Variants in DACH1 observed in about 807,000 individuals in gnomAD.
The protein encoded by DACH1 is dachshund family transcription factor 1.
DACH1 carries 12 observed loss-of-function variants against 54.2 expected under a neutral mutation model. That is an observed-to-expected ratio of 0.22 (90% CI 0.14 to 0.36). The LOEUF (loss-of-function observed/expected upper bound fraction) is 0.36. Among genes scored for constraint, DACH1 ranks in the 10% least tolerant of loss-of-function variants. The probability of loss-of-function intolerance (pLI) is 1.00; values close to 1 mark genes in which losing one functional copy is unlikely to be tolerated. For missense variants in DACH1, 805 were observed against 929.8 expected (o/e 0.87, Z 1.75); for synonymous variants, 386 against 366.2 (o/e 1.05, Z -0.62).
chr13:71,791,324 T>C (rs1024081158), intron 1 of DACH1, among the ~76,000 whole-genome samples: 4 of 152,172 alleles, frequency 2.6e-5, no homozygotes, highest in Non-Finnish European at 5.9e-5. Context: ...ATTTTCTTGA[T>C]AATTTATTTT....
At chr13:71,535,303 G>T (rs1257360617) in intron 6 of DACH1, among the ~76,000 whole-genome samples, 1 of 151,808 alleles carries the variant, frequency 6.6e-6, no homozygotes, top group Non-Finnish European at 1.5e-5. Context: ...TGTATATCAT[G>T]TGAATTTTCT....
intron 6 of DACH1, among the ~76,000 whole-genome samples, chr13:71,514,610 A>G (rs1296560829): frequency 1.3e-5 from 2 of 151,828 alleles, no homozygotes; most frequent in Non-Finnish European, 2.9e-5. Context: ...TTTCATAATG[A>G]AATTACTATT....
At chr13:71,629,979 T>A (rs1013501812) in intron 3 of DACH1, among the ~76,000 whole-genome samples, 2 of 152,076 alleles carry the variant, frequency 1.3e-5, no homozygotes, top group Non-Finnish European at 1.5e-5. Flanking sequence ...CAGTGACAGT[T>A]AACTTTTCAT....
intron 3 of DACH1, among the ~76,000 whole-genome samples, chr13:71,612,296 T>C (rs1052452621): frequency 2.6e-5 from 4 of 152,066 alleles, no homozygotes; most frequent in Non-Finnish European, 4.4e-5. Flanking sequence ...TTATGTTATA[T>C]TATATTATAC....
intron 1 of DACH1, among the ~76,000 whole-genome samples, chr13:71,776,425 A>G (rs1886067783): frequency 6.6e-6 from 1 of 152,176 alleles, no homozygotes. Flanking sequence ...AAATACCTAA[A>G]GAAAAGTTAA....
At chr13:71,602,091 C>T (rs1566370938) in intron 3 of DACH1, among the ~76,000 whole-genome samples, 1 of 151,920 alleles carries the variant, frequency 6.6e-6, no homozygotes, top group Non-Finnish European at 1.5e-5. Context: ...GGATACCTGA[C>T]CAGCTGGCTA....
At chr13:71,840,791 T>C (rs539130179) in intron 1 of DACH1, among the ~76,000 whole-genome samples, 1 of 152,290 alleles carries the variant, frequency 6.6e-6, no homozygotes, top group African/African-American at 2.4e-5. Context: ...AGCAGATAAA[T>C]TTGATTTCAA....
At chr13:71,631,138 T>C (rs1244778611) in intron 2 of DACH1, among the ~76,000 whole-genome samples, 2 of 152,198 alleles carry the variant, frequency 1.3e-5, no homozygotes, top group African/African-American at 2.4e-5. Flanking sequence ...AGTTTCTTCA[T>C]TGTCATCCAC....
At chr13:71,554,631 T>C (rs1332102369) in intron 6 of DACH1, among the ~76,000 whole-genome samples, 2 of 152,162 alleles carry the variant, frequency 1.3e-5, no homozygotes, top group African/African-American at 4.8e-5. Flanking sequence ...TTAACTCTTG[T>C]CTATCTCTTA....
At chr13:71,668,182 T>C (rs1475963668) in intron 2 of DACH1, among the ~76,000 whole-genome samples, 1 of 151,972 alleles carries the variant, frequency 6.6e-6, no homozygotes, top group Non-Finnish European at 1.5e-5. Flanking sequence ...ATATTAAACA[T>C]TTTACATGTT....
At chr13:71,726,574 T>A (rs1327415570) in intron 1 of DACH1, among the ~76,000 whole-genome samples, 1 of 152,078 alleles carries the variant, frequency 6.6e-6, no homozygotes, top group East Asian at 1.9e-4. Flanking sequence ...AAATTCAAGG[T>A]ACTAAAGTGA....
At chr13:71,585,727 C>G (rs959952232) in intron 3 of DACH1, among the ~76,000 whole-genome samples, 2 of 152,006 alleles carry the variant, frequency 1.3e-5, no homozygotes, top group Admixed American at 6.6e-5. Context: ...GTTTGGTCAT[C>G]ATCTTAGGCA....
chr13:71,806,565 A>C (rs1362977768), intron 1 of DACH1, among the ~76,000 whole-genome samples: 5 of 152,222 alleles, frequency 3.3e-5, no homozygotes, highest in African/African-American at 1.2e-4. Flanking sequence ...AAGTACAAAA[A>C]TTCAGACATT....
chr13:71,735,051 T>C (rs1483186922), intron 1 of DACH1, among the ~76,000 whole-genome samples: 1 of 150,594 alleles, frequency 6.6e-6, no homozygotes, highest in African/African-American at 2.4e-5. Context: ...GATATACGTA[T>C]ATGGGTGATA....
intron 7 of DACH1, among the ~76,000 whole-genome samples, chr13:71,479,897 C>G (rs1485110332): frequency 6.6e-6 from 1 of 152,078 alleles, no homozygotes; most frequent in African/African-American, 2.4e-5. Context: ...TGGCTCACAC[C>G]CTCATTTCAT....
intron 1 of DACH1, among the ~76,000 whole-genome samples, chr13:71,771,957 A>T (rs1885874667): frequency 6.6e-6 from 1 of 151,496 alleles, no homozygotes; most frequent in Non-Finnish European, 1.5e-5. Context: ...AATTCACAAT[A>T]ACGTGTTATC....
At chr13:71,774,188 C>T (rs1053360894) in intron 1 of DACH1, among the ~76,000 whole-genome samples, 5 of 152,062 alleles carry the variant, frequency 3.3e-5, no homozygotes, top group African/African-American at 1.2e-4. Context: ...TTGGTATACA[C>T]AACTAGAATG....
rs551852379 is a variant in DACH1, at chr13:71,576,982, T to C, written c.1127-3970A>G. Among the ~76,000 whole-genome samples, 8 of 152,294 alleles carry C rather than the reference T, an allele frequency of 5.3e-5. No individual in the cohort carries two copies. The East Asian group carries it at 1.4e-3, about 26-fold the overall frequency. On this transcript the variant is annotated intron_variant, in intron 3 of 10. Transcript: ENST00000613252. ...CTTTAGGCCATTGACATCTTCCAAG[T>C]GGTAAAGGCCTAAATCTAAACATTT...
At chr13:71,492,047 T>C (rs1009985059) in intron 6 of DACH1, among the ~76,000 whole-genome samples, 1 of 152,160 alleles carries the variant, frequency 6.6e-6, no homozygotes, top group African/African-American at 2.4e-5. Context: ...GATGTCATGA[T>C]TTTTGGATTA....
Sources: allele counts gnomAD v4.1 joint callset (sites outside exome capture counted in the v4.1 genomes callset), GRCh38; gene constraint gnomAD v4.1.1; transcripts MANE v1.5; gene names NCBI Gene and HGNC (gene_info 2026-07-23, HGNC 2026-07-21).